MYCBP2: variants seen among roughly 807,000 people sequenced by gnomAD.
The protein encoded by MYCBP2 is E3 ubiquitin-protein ligase MYCBP2.
Under a neutral mutation model 525.3 loss-of-function variants are expected in MYCBP2, and 120 were observed. That is an observed-to-expected ratio of 0.23 (90% CI 0.20 to 0.27). The LOEUF is 0.27. MYCBP2 is among the 10% of genes least tolerant of loss of function. MYCBP2 has a pLI of 1.00. For synonymous variants in MYCBP2, 1,894 were observed against 1,955.8 expected (o/e 0.97, Z 0.83); for missense variants, 4,149 against 5,657.1 (o/e 0.73, Z 8.55).
intron 8 of MYCBP2, among the ~76,000 whole-genome samples, chr13:77,266,375 T>A (rs898820925): frequency 6.6e-6 from 1 of 152,138 alleles, no homozygotes; most frequent in African/African-American, 2.4e-5. Context: ...TTGTAACATT[T>A]AAGTGACATT....
chr13:77,110,470 T>G (rs544587616), intron 55 of MYCBP2, among the ~76,000 whole-genome samples: 11 of 152,298 alleles, frequency 7.2e-5, no homozygotes, highest in African/African-American at 2.6e-4. Flanking sequence ...CAGCTGAACA[T>G]AGACCCTCAT....
intron 26 of MYCBP2, among the ~76,000 whole-genome samples, chr13:77,198,532 G>C (rs1053433848): frequency 1.3e-5 from 2 of 152,154 alleles, no homozygotes; most frequent in African/African-American, 4.8e-5. Context: ...TTGAAATTCA[G>C]GCAGAAACTA....
chr13:77,263,046 CAGG>C (rs1293634268), intron 10 of MYCBP2, among the ~76,000 whole-genome samples: 1 of 151,942 alleles, frequency 6.6e-6, no homozygotes, highest in Non-Finnish European at 1.5e-5. Context: ...CTAAAACTCT[CAGG>C]AGAACTCATG....
At chr13:77,122,402 T>A (rs1417152496) in intron 54 of MYCBP2, among the ~76,000 whole-genome samples, 2 of 152,124 alleles carry the variant, frequency 1.3e-5, no homozygotes, top group Non-Finnish European at 2.9e-5. Context: ...ATATCTTTTT[T>A]AAAAGTCAAT....
chr13:77,086,748 A>C (rs2044357112), intron 62 of MYCBP2, among the ~76,000 whole-genome samples: 1 of 152,116 alleles, frequency 6.6e-6, no homozygotes, highest in African/African-American at 2.4e-5. Context: ...TTATACTTAG[A>C]TTAATTTTTA....
intron 3 of MYCBP2, among the ~76,000 whole-genome samples, chr13:77,283,964 T>A (rs2154355095): frequency 6.6e-6 from 1 of 152,284 alleles, no homozygotes; most frequent in East Asian, 1.9e-4. Flanking sequence ...TTTTAGAGGA[T>A]GTAGATTTTA....
At chr13:77,211,919 G>A (rs2064070683) in intron 22 of MYCBP2, 37 bp downstream of exon 22, 3 of 1,488,960 alleles carry the variant, frequency 2.0e-6, no homozygotes, top group East Asian at 2.3e-5. Context: ...ATCAAGACAA[G>A]AGTTTGGAAG....
intron 17 of MYCBP2, among the ~76,000 whole-genome samples, chr13:77,238,941 T>C (rs888112724): frequency 6.6e-6 from 1 of 152,096 alleles, no homozygotes; most frequent in East Asian, 1.9e-4. Flanking sequence ...GCCAACATGG[T>C]GAAACCCCAT....
At position 77,083,097 on chromosome 13, in the gene MYCBP2, C is replaced by T. The variant is rs2043590760; in HGVS notation, c.10971G>A (p.Leu3657=). The T allele has an allele frequency of 6.2e-7, 1 of 1,613,474 alleles. No individual in the cohort carries two copies. Among genetic ancestry groups the T allele is most frequent in the Admixed American group, 1.7e-5 (1 of 59,948 alleles). The change falls in exon 63 of 83, where the codon CTG becomes CTA. Residue 3657 remains leucine (L), a synonymous_variant. Coordinates refer to ENST00000544440, the MANE Select transcript of MYCBP2 (RefSeq NM_015057.5). ...HPLPHTFHRL[L]QTISDLMMSL... is the part of the protein sequence containing the mutation. ...ACATCATAAGGTCTGAGATGGTCTG[C>T]AGCAAGCGGTGAAAGGTGTGTGGTA...
At chr13:77,055,189 G>GA (rs1216962344) in intron 80 of MYCBP2, among the ~76,000 whole-genome samples, 15 of 151,856 alleles carry the variant, frequency 9.9e-5, no homozygotes. Context: ...AAGGAGGACA[G>GA]AAAAAGAGTG....
intron 21 of MYCBP2, among the ~76,000 whole-genome samples, chr13:77,216,727 C>T (rs1432538483): frequency 1.3e-5 from 2 of 152,102 alleles, no homozygotes; most frequent in Non-Finnish European, 2.9e-5. Flanking sequence ...ATAGACAATA[C>T]ATAGCTGTAG....
chr13:77,264,019 G>C lies in MYCBP2; in HGVS notation c.1358-17C>G. On this transcript the variant is annotated splice_polypyrimidine_tract_variant and intron_variant, in intron 8 of 82. Coordinates refer to ENST00000544440, the MANE Select transcript of MYCBP2 (RefSeq NM_015057.5). The stretch of plus-strand genomic sequence containing the variant: ...TGTGGCAATCTGTGCAAAAGAAAAA[G>C]TATTTATATTACAATACAAGCAAAC... 6.2e-7 allele frequency: 1 copy of C among 1,602,808 alleles called. No individual in the cohort carries two copies. The highest frequency in any genetic ancestry group is 8.5e-7 in the Non-Finnish European group (1 of 1,171,828).
chr13:77,254,378 T>C (rs1323021781), intron 14 of MYCBP2, among the ~76,000 whole-genome samples: 1 of 151,848 alleles, frequency 6.6e-6, no homozygotes, highest in Non-Finnish European at 1.5e-5. Flanking sequence ...ATCTGTGATT[T>C]TTTTTTAACT....
chr13:77,283,205 A>G (rs1185340758), intron 3 of MYCBP2, among the ~76,000 whole-genome samples: 1 of 152,148 alleles, frequency 6.6e-6, no homozygotes, highest in Non-Finnish European at 1.5e-5. Flanking sequence ...AATCTTCAAT[A>G]TTTACTAATT....
chr13:77,104,264 T>C (rs7985293), intron 55 of MYCBP2, among the ~76,000 whole-genome samples: 4,352 of 152,164 alleles, frequency 0.029, 226 homozygotes, highest in African/African-American at 0.097. Context: ...GGCTGATTCA[T>C]TATTATGATC....
rs142979925 is a variant in MYCBP2 at position 77,127,364 on chromosome 13, T to C, written c.7660-822A>G. ...GTTAAATTGTAATGCTGTGATAAAATTGTTTCCTATGTGAATGTAATAAAG... is the reference window on the plus strand; with the variant it reads ...GTTAAATTGTAATGCTGTGATAAAACTGTTTCCTATGTGAATGTAATAAAG... On this transcript the variant is annotated intron_variant, in intron 52 of 82. Transcript: ENST00000544440. 5.8e-3 allele frequency among the ~76,000 whole-genome samples: 887 copies of C among 152,084 alleles called. 15 individuals are homozygous for C. The highest frequency in any genetic ancestry group is 6.3e-3 in the Non-Finnish European group (430 of 67,846).
At position 77,093,190 on chromosome 13, in the gene MYCBP2, T is replaced by C. The variant is rs2045715242; in HGVS notation, c.10342A>G (p.Ser3448Gly). Residue 3448 changes from serine (S) to glycine (G), a missense_variant, in exon 59 of 83, where the codon AGC becomes GGC. This residue lies in a region of MYCBP2 where 509 missense variants were observed against 789.4 expected (regional missense o/e 0.64). Coordinates refer to ENST00000544440, the MANE Select transcript of MYCBP2 (RefSeq NM_015057.5). ...CTTGGTGGCATAGACTTCATATTGC[T>C]CTCTGGCTCTTCAAATACATTAGGA... ...ASPNVFEEPE[S>G]NMKSMPPSLE... 1 of 1,612,316 alleles carries C rather than the reference T, an allele frequency of 6.2e-7. No homozygotes were observed. The highest frequency in any genetic ancestry group is 1.1e-5 in the South Asian group (1 of 90,796).
rs1397294680 is a variant in MYCBP2, at chr13:77,081,829, T to C, written c.11193+8A>G. The C allele has an allele frequency of 1.9e-6, 3 of 1,608,830 alleles. No individual in the cohort carries two copies. The highest frequency in any genetic ancestry group is 1.7e-6 in the Non-Finnish European group (2 of 1,177,776). On this transcript the variant is annotated splice_region_variant and intron_variant, in intron 64 of 82. Transcript: ENST00000544440. This position sits in a 1 kb window ranked among gnomAD's most constrained non-coding sequence, Gnocchi z 4.6. ...AGGACAACCAGGATAATAACTGAAA[T>C]GACTGACCTGACTCATAGCTTCAAA...
At chr13:77,140,716 T>A (rs1394020676) in intron 50 of MYCBP2, 130 bp downstream of exon 50, 16 of 735,870 alleles carry the variant, frequency 2.2e-5, no homozygotes, top group Non-Finnish European at 3.1e-5. Context: ...CTCTCTAAAT[T>A]TATTTAGGGA....
Sources: allele counts gnomAD v4.1 joint callset (sites outside exome capture counted in the v4.1 genomes callset), GRCh38; gene constraint gnomAD v4.1.1; regional missense constraint gnomAD v4.1.1; non-coding constraint Gnocchi (gnomAD v3.1); transcripts MANE v1.5; gene names NCBI Gene and HGNC (gene_info 2026-07-23, HGNC 2026-07-21).